NOX4: variants seen among roughly 807,000 people sequenced by gnomAD.
NOX4 encodes kidney oxidase-1.
In NOX4, 69 loss-of-function variants were observed where a neutral mutation model predicts 87.6. That is an observed-to-expected ratio of 0.79 (90% CI 0.65 to 0.96). NOX4 has a LOEUF of 0.96. Among genes scored for constraint, NOX4 ranks in the 40% least tolerant of loss-of-function variants. NOX4 has a pLI of 0.00. For synonymous variants in NOX4, 275 were observed against 238.2 expected, an observed-to-expected ratio of 1.15 and a Z score of -1.42; for missense variants, 680 against 681.5, an observed-to-expected ratio of 1.00 and a Z score of 0.02.
intron 14 of NOX4, 57 bp from the exon 15 acceptor site, chr11:89,340,228 A>C (rs1253124349): frequency 2.6e-6 from 3 of 1,134,882 alleles, no homozygotes; most frequent in Non-Finnish European, 3.9e-6. Context: ...ATATTAAAGA[A>C]TTCGTATATT....
At chr11:89,528,041 G>C in the NOX4 span, among the ~76,000 whole-genome samples, 2 of 152,180 alleles carry the variant, frequency 1.3e-5, no homozygotes, top group Non-Finnish European at 2.9e-5. Context: ...CCAAGACCAT[G>C]GGAACTCACC....
At chr11:89,387,403 T>A (rs975906502) in intron 11 of NOX4, among the ~76,000 whole-genome samples, 2 of 151,984 alleles carry the variant, frequency 1.3e-5, no homozygotes, top group African/African-American at 4.8e-5. Context: ...GACTGTAATT[T>A]TCCATTACCT....
intron 5 of NOX4, among the ~76,000 whole-genome samples, chr11:89,441,407 G>A (rs1417294043): frequency 5.9e-5 from 9 of 152,064 alleles, no homozygotes; most frequent in Non-Finnish European, 8.8e-5. Context: ...TATCCCCGTG[G>A]TGCTTAATAT....
the NOX4 span, among the ~76,000 whole-genome samples, chr11:89,570,399 T>C: frequency 6.6e-6 from 1 of 152,230 alleles, no homozygotes; most frequent in Non-Finnish European, 1.5e-5. Flanking sequence ...TCAGGTACTG[T>C]GTTTATTACC....
chr11:89,516,505 A>G, the NOX4 span, among the ~76,000 whole-genome samples: 1 of 152,020 alleles, frequency 6.6e-6, no homozygotes, highest in African/African-American at 2.4e-5. Context: ...TCAAGATAAG[A>G]TGCCTTCAGC....
the NOX4 span, among the ~76,000 whole-genome samples, chr11:89,515,050 A>C: frequency 2.0e-5 from 3 of 152,074 alleles, no homozygotes; most frequent in East Asian, 5.8e-4. Flanking sequence ...TTTTGGCTAG[A>C]ATAAATACAA....
intron 6 of NOX4, among the ~76,000 whole-genome samples, chr11:89,437,807 G>C (rs1162513455): frequency 6.6e-6 from 1 of 151,946 alleles, no homozygotes; most frequent in Non-Finnish European, 1.5e-5. Flanking sequence ...CATGCGATTG[G>C]TTCCAGGACC....
Position 89,373,469 on chromosome 11 carries a change from T to C in NOX4, c.1098A>G (p.Thr366=), listed in dbSNP as rs758755338. 1.9e-6 allele frequency: 3 copies of C among 1,598,710 alleles called. No homozygotes were observed. The highest frequency in any genetic ancestry group is 2.6e-6 in the Non-Finnish European group (3 of 1,167,044). The change falls in exon 12 of 18, where the codon ACA becomes ACG. Residue 366 remains threonine (T), a synonymous_variant. Coordinates refer to ENST00000263317, the MANE Select transcript of NOX4 (RefSeq NM_016931.5). The stretch of plus-strand genomic sequence containing the variant: ...CTACTATTTTAAGATGAACCCCAAA[T>C]GTTGCTTTGGTTTCAGTTGGACACT... ...LTMCPTETKA[T]FGVHLKIVGD...
intron 8 of NOX4, among the ~76,000 whole-genome samples, chr11:89,405,885 G>T (rs1319043264): frequency 6.6e-6 from 1 of 151,998 alleles, no homozygotes; most frequent in Non-Finnish European, 1.5e-5. Flanking sequence ...CAAAGTCTGT[G>T]CTCCTTCCTC....
chr11:89,332,427 G>C (rs1350181500), intron 17 of NOX4, among the ~76,000 whole-genome samples: 4 of 151,668 alleles, frequency 2.6e-5, no homozygotes, highest in Admixed American at 2.6e-4. Flanking sequence ...CTCAAAACAG[G>C]ATATACATTT....
chr11:89,498,558 TAAC>T (rs1422512810), upstream of NOX4, among the ~76,000 whole-genome samples: 1 of 152,096 alleles, frequency 6.6e-6, no homozygotes, highest in Non-Finnish European at 1.5e-5. Flanking sequence ...AAACTGCAAA[TAAC>T]TGATTTCTGT....
chr11:89,521,699 A>G, the NOX4 span, among the ~76,000 whole-genome samples: 1 of 152,192 alleles, frequency 6.6e-6, no homozygotes, highest in African/African-American at 2.4e-5. Flanking sequence ...ATTAAACAAA[A>G]GAGTTTCTGC....
At chr11:89,444,617 C>G (rs1295089240) in intron 4 of NOX4, among the ~76,000 whole-genome samples, 1 of 151,794 alleles carries the variant, frequency 6.6e-6, no homozygotes, top group East Asian at 1.9e-4. Flanking sequence ...TTAGGTATTC[C>G]ACATCTTTCA....
intron 7 of NOX4, among the ~76,000 whole-genome samples, chr11:89,426,346 A>C (rs1221756179): frequency 6.6e-6 from 1 of 152,078 alleles, no homozygotes; most frequent in East Asian, 1.9e-4. Flanking sequence ...TACTGGGTTC[A>C]TCTCACTAGG....
chr11:89,574,977 G>A, the NOX4 span, among the ~76,000 whole-genome samples: 3 of 152,192 alleles, frequency 2.0e-5, no homozygotes, highest in East Asian at 5.8e-4. Context: ...AAGGTCAGGA[G>A]TTTGGGACCA....
intron 8 of NOX4, among the ~76,000 whole-genome samples, chr11:89,416,832 T>C (rs1221960212): frequency 6.6e-6 from 1 of 152,180 alleles, no homozygotes; most frequent in Non-Finnish European, 1.5e-5. Flanking sequence ...TGCTCTATGA[T>C]TAACTCTTGC....
the NOX4 span, among the ~76,000 whole-genome samples, chr11:89,555,609 C>T: frequency 6.6e-6 from 1 of 152,034 alleles, no homozygotes; most frequent in Non-Finnish European, 1.5e-5. Flanking sequence ...AAAGATGAGG[C>T]CTTCTCCAGG....
At chr11:89,551,323 T>C in the NOX4 span, among the ~76,000 whole-genome samples, 3 of 152,224 alleles carry the variant, frequency 2.0e-5, no homozygotes, top group African/African-American at 7.2e-5. Flanking sequence ...AGTAGTTTTT[T>C]TCTCATTCTG....
At chr11:89,500,895 T>C (rs955588950), upstream of NOX4, among the ~76,000 whole-genome samples, 1 of 152,074 alleles carries the variant, frequency 6.6e-6, no homozygotes, top group African/African-American at 2.4e-5. Flanking sequence ...ATTATAGAAA[T>C]TGGTTCCTGC....
Sources: allele counts gnomAD v4.1 joint callset (sites outside exome capture counted in the v4.1 genomes callset), GRCh38; gene constraint gnomAD v4.1.1; transcripts MANE v1.5; gene names NCBI Gene and HGNC (gene_info 2026-07-23, HGNC 2026-07-21).